PCDH15: variants seen among roughly 807,000 people sequenced by gnomAD.
The protein encoded by PCDH15 is protocadherin related 15, also known as protocadherin-15.
A neutral mutation model predicts 178.5 loss-of-function variants in PCDH15; 129 were observed. The ratio of observed to expected loss-of-function variants is 0.72; its 90% CI spans 0.63 to 0.84. The LOEUF is 0.84. PCDH15 is among the 40% of genes least tolerant of loss of function. The pLI is 0.00. For synonymous variants in PCDH15, 800 were observed against 732.0 expected, an observed-to-expected ratio of 1.09 and a Z score of -1.50; for missense variants, 2,230 against 2,099.9, an observed-to-expected ratio of 1.06 and a Z score of -1.21.
At chr10:54,140,506 G>A (rs1308059148) in intron 14 of PCDH15, among the ~76,000 whole-genome samples, 2 of 151,054 alleles carry the variant, frequency 1.3e-5, no homozygotes, top group African/African-American at 2.4e-5. Context: ...GTCTTGCTCT[G>A]TTGCCAGGAT....
chr10:55,539,004 C>T (rs1345250065), intron 2 of PCDH15, among the ~76,000 whole-genome samples: 5 of 134,854 alleles, frequency 3.7e-5, no homozygotes, highest in African/African-American at 1.1e-4. Flanking sequence ...CCTTTCCTTC[C>T]CTCCTCCTTT....
At chr10:55,320,643 AC>A (rs200814359), upstream of PCDH15, among the ~76,000 whole-genome samples, 10 of 151,130 alleles carry the variant, frequency 6.6e-5, no homozygotes, top group Admixed American at 2.6e-4. Flanking sequence ...GCCTGATGCC[AC>A]CCCCCCCAGA....
At chr10:54,452,337 T>C (rs548594436) in intron 3 of PCDH15, 4 of 152,162 alleles carry the variant, frequency 2.6e-5, no homozygotes, top group African/African-American at 9.6e-5. Flanking sequence ...TTTTTCTTTC[T>C]CTATTCAACA....
intron 2 of PCDH15, among the ~76,000 whole-genome samples, chr10:55,094,160 A>AGAC: frequency 6.6e-6 from 1 of 152,324 alleles, no homozygotes; most frequent in African/African-American, 2.4e-5. Flanking sequence ...CAACAATGAT[A>AGAC]GACTGGATTA....
At chr10:54,709,594 A>ATATATC (rs2095407312) in intron 1 of PCDH15, among the ~76,000 whole-genome samples, 1 of 46,328 alleles carries the variant, frequency 2.2e-5, no homozygotes, top group Non-Finnish European at 4.9e-5. Flanking sequence ...CAAATAATTC[A>ATATATC]TATATATATA....
intron 2 of PCDH15, among the ~76,000 whole-genome samples, chr10:55,616,629 T>A (rs1843483568): frequency 6.6e-6 from 1 of 151,786 alleles, no homozygotes; most frequent in African/African-American, 2.4e-5. Flanking sequence ...AGCAAGAAAA[T>A]TTTTATCACA....
chr10:54,168,372 G>A lies in PCDH15; in HGVS notation c.1590+15072C>T, dbSNP rs1418691266. Among the ~76,000 whole-genome samples, 33 of 150,412 alleles carry A rather than the reference G, an allele frequency of 2.2e-4. No homozygotes were observed. In the South Asian group the frequency reaches 3.4e-3, roughly 16 times the overall value. On this transcript the variant is annotated intron_variant, in intron 13 of 37. Transcript: ENST00000644397. Reference sequence around the variant, plus strand: ...CCCCTCAGTACCAACCCCAAGCATCGCTGAGTCTTTCTAATCTTCCTTTTC... The same window carrying A: ...CCCCTCAGTACCAACCCCAAGCATCACTGAGTCTTTCTAATCTTCCTTTTC...
intron 2 of PCDH15, among the ~76,000 whole-genome samples, chr10:54,557,122 G>C (rs527529635): frequency 1.3e-5 from 2 of 152,250 alleles, no homozygotes; most frequent in Non-Finnish European, 2.9e-5. Flanking sequence ...AGCCAGACTA[G>C]TGGGTAATTA....
At chr10:54,390,361 C>G (rs1950405032) in intron 3 of PCDH15, among the ~76,000 whole-genome samples, 1 of 152,098 alleles carries the variant, frequency 6.6e-6, no homozygotes, top group Admixed American at 6.6e-5. Flanking sequence ...GGTGCGATCT[C>G]GGCTCCCTGC....
At chr10:55,538,492 CCTTTCCTTCCTTCCTT>C (rs1465811678) in intron 2 of PCDH15, among the ~76,000 whole-genome samples, 4 of 111,850 alleles carry the variant, frequency 3.6e-5, no homozygotes, top group African/African-American at 1.0e-4. Context: ...CTTCCTTCCT[CCTTTCCTTCCTTCCTT>C]CTTTCCTTCC....
intron 18 of PCDH15, among the ~76,000 whole-genome samples, chr10:54,039,174 C>A (rs952786992): frequency 6.6e-6 from 1 of 151,934 alleles, no homozygotes; most frequent in Non-Finnish European, 1.5e-5. Context: ...CTTTAGCTAG[C>A]AAATAAGAGT....
At chr10:55,467,373 C>CT (rs59787759) in intron 2 of PCDH15, among the ~76,000 whole-genome samples, 43,195 of 87,462 alleles carry the variant, frequency 0.49, 7,342 homozygotes, top group African/African-American at 0.56. Context: ...CTTGGCCTGA[C>CT]TTTTTTTTTT....
chr10:54,181,828 G>T (rs2048010390), intron 13 of PCDH15, among the ~76,000 whole-genome samples: 1 of 152,074 alleles, frequency 6.6e-6, no homozygotes, highest in African/African-American at 2.4e-5. Context: ...ACATTCCGGT[G>T]AATTCCCAGT....
intron 3 of PCDH15, among the ~76,000 whole-genome samples, chr10:54,870,612 C>T (rs1361805337): frequency 1.3e-5 from 2 of 151,728 alleles, no homozygotes; most frequent in African/African-American, 2.4e-5. Flanking sequence ...GGTGAAAACC[C>T]GTCTCTACTA....
intron 2 of PCDH15, among the ~76,000 whole-genome samples, chr10:55,015,583 CAAAG>C (rs749779832): frequency 6.6e-6 from 1 of 152,098 alleles, no homozygotes; most frequent in Non-Finnish European, 1.5e-5. Flanking sequence ...CCGTTACTGA[CAAAG>C]AGAGTGTCTG....
chr10:55,201,406 G>A (rs1053783529), intron 1 of PCDH15, among the ~76,000 whole-genome samples: 6 of 151,964 alleles, frequency 3.9e-5, no homozygotes, highest in East Asian at 3.9e-4. Flanking sequence ...ATTGAGGGGG[G>A]AAAAAACCCA....
chr10:54,167,823 A>ACACCCCGAACTCTTATCTC (rs2046405506), intron 13 of PCDH15, among the ~76,000 whole-genome samples: 5 of 142,826 alleles, frequency 3.5e-5, no homozygotes, highest in African/African-American at 1.1e-4. Flanking sequence ...CCTTATTTCC[A>ACACCCCGAACTCTTATCTC]TGCCCCAACC....
intron 2 of PCDH15, among the ~76,000 whole-genome samples, chr10:54,617,142 A>G (rs2093188717): frequency 8.9e-6 from 1 of 112,150 alleles, no homozygotes; most frequent in Admixed American, 9.2e-5. Context: ...ATGATCCACC[A>G]GCCTTGGCCT....
At chr10:54,126,183 G>C (rs2132953401) in intron 15 of PCDH15, among the ~76,000 whole-genome samples, 1 of 150,614 alleles carries the variant, frequency 6.6e-6, no homozygotes. Context: ...TGATTCTCCT[G>C]CCTTTGCCTC....
Sources: gnomAD v4.1 joint callset for allele counts (sites outside exome capture counted in the v4.1 genomes callset) on GRCh38, gnomAD v4.1.1 for gene constraint, MANE v1.5 for transcripts, NCBI Gene and HGNC (gene_info 2026-07-23, HGNC 2026-07-21) for gene names.